Variants in DOCK3 observed in about 807,000 individuals in gnomAD.
DOCK3 encodes the protein dedicator of cytokinesis 3, also known as dedicator of cytokinesis protein 3.
Under a neutral mutation model 265.6 loss-of-function variants are expected in DOCK3, and 60 were observed. The ratio of observed to expected loss-of-function variants is 0.23; its 90% CI spans 0.18 to 0.28. The LOEUF (loss-of-function observed/expected upper bound fraction) is 0.28, where lower values mean the gene tolerates loss of function less well. Among genes scored for constraint, DOCK3 ranks in the 10% least tolerant of loss-of-function variants. The pLI is 1.00. For missense variants in DOCK3, 1,981 were observed against 2,594.3 expected, an observed-to-expected ratio of 0.76 and a Z score of 5.14; for synonymous variants, 881 against 938.0, an observed-to-expected ratio of 0.94 and a Z score of 1.11.
At chr3:50,902,787 A>G (rs1161894302) in intron 4 of DOCK3, among the ~76,000 whole-genome samples, 2 of 152,154 alleles carry the variant, frequency 1.3e-5, no homozygotes, top group Non-Finnish European at 2.9e-5. Flanking sequence ...TTTTCACAAT[A>G]TTGATTCTTC....
intron 10 of DOCK3, among the ~76,000 whole-genome samples, chr3:51,157,245 T>G (rs888282785): frequency 6.6e-6 from 1 of 152,176 alleles, no homozygotes; most frequent in Non-Finnish European, 1.5e-5. Context: ...AGCTTCAGTT[T>G]CACCACTACA....
At chr3:50,886,931 C>A (rs1036651448) in intron 3 of DOCK3, among the ~76,000 whole-genome samples, 1 of 151,800 alleles carries the variant, frequency 6.6e-6, no homozygotes, top group Non-Finnish European at 1.5e-5. Context: ...AAATTGACAC[C>A]CTAACATCAC....
intron 1 of DOCK3, among the ~76,000 whole-genome samples, chr3:50,732,039 A>T (rs575366782): frequency 1.1e-3 from 151 of 141,600 alleles, no homozygotes; most frequent in African/African-American, 3.5e-3. Context: ...TAATGTATTT[A>T]AAAAAAAAAA....
At position 50,675,255 on chromosome 3, in the gene DOCK3, G is replaced by T; in HGVS notation, c.-9G>T. 8.3e-7 allele frequency: 1 copy of T among 1,211,174 alleles called. No homozygotes were observed. The highest frequency in any genetic ancestry group is 1.0e-6 in the Non-Finnish European group (1 of 963,256). 75.0% of individuals were successfully genotyped at this position (1,211,174 alleles called of 1,614,324 possible). A position where few individuals can be genotyped will look rare whatever the true frequency, so the allele number is the denominator to read the frequency against. The stretch of plus-strand genomic sequence containing the variant: ...TCGCCGCGCCCGCGGGGCCGCGCCC[G>T]GCACGGCCATGTGGACCCCCACGGA... On this transcript the variant is annotated 5_prime_UTR_variant, in exon 1 of 53. Coordinates refer to ENST00000266037, the MANE Select transcript of DOCK3 (RefSeq NM_004947.5). This position sits in a 1 kb window ranked among gnomAD's most constrained non-coding sequence, Gnocchi z 6.1.
chr3:51,336,547 C>T (rs537695615), intron 35 of DOCK3, among the ~76,000 whole-genome samples: 1 of 152,286 alleles, frequency 6.6e-6, no homozygotes, highest in East Asian at 1.9e-4. Flanking sequence ...GCTTCAGAAG[C>T]CTCTTTCTGG....
At chr3:50,681,063 CTA>C (rs2034371116) in intron 1 of DOCK3, among the ~76,000 whole-genome samples, 3 of 152,042 alleles carry the variant, frequency 2.0e-5, no homozygotes, top group African/African-American at 7.2e-5. Flanking sequence ...AGCATTTTCC[CTA>C]TGTTTTCTTT....
intron 5 of DOCK3, among the ~76,000 whole-genome samples, chr3:51,004,182 G>A (rs1030525850): frequency 2.6e-5 from 4 of 152,030 alleles, no homozygotes; most frequent in South Asian, 2.1e-4. Flanking sequence ...TTGGATGCCC[G>A]TTTTTTCTTT....
chr3:51,229,678 TG>T, intron 19 of DOCK3, 69 bp downstream of exon 19: 1 of 1,242,224 alleles, frequency 8.1e-7, no homozygotes, highest in Non-Finnish European at 1.1e-6. Flanking sequence ...TACTTTGTCA[TG>T]ATTTTTGCCA....
chr3:50,696,148 T>A (rs901500005), intron 1 of DOCK3, among the ~76,000 whole-genome samples: 1 of 152,228 alleles, frequency 6.6e-6, no homozygotes, highest in Non-Finnish European at 1.5e-5. Flanking sequence ...CCTTTTATAA[T>A]TGGGGACCAT....
At chr3:51,005,233 C>T (rs1283935121) in intron 5 of DOCK3, among the ~76,000 whole-genome samples, 3 of 152,096 alleles carry the variant, frequency 2.0e-5, no homozygotes, top group Admixed American at 1.3e-4. Context: ...TAGAACACTG[C>T]GCTAAGGTGG....
chr3:51,051,143 A>G (rs2080979200), intron 5 of DOCK3, among the ~76,000 whole-genome samples: 1 of 152,232 alleles, frequency 6.6e-6, no homozygotes, highest in Non-Finnish European at 1.5e-5. Flanking sequence ...AAGAGGGTAC[A>G]GAATTTCTTT....
chr3:51,135,742 C>T (rs2084763542), intron 9 of DOCK3, among the ~76,000 whole-genome samples: 2 of 151,916 alleles, frequency 1.3e-5, no homozygotes, highest in Admixed American at 1.3e-4. Context: ...TTTTTGGAGA[C>T]AGGGTCTCAC....
intron 25 of DOCK3, among the ~76,000 whole-genome samples, chr3:51,276,004 A>T (rs575054280): frequency 6.6e-6 from 1 of 152,248 alleles, no homozygotes; most frequent in Non-Finnish European, 1.5e-5. Context: ...TTTTTAAATT[A>T]TACCATTTTA....
At chr3:51,320,757 G>T (rs552029509) in intron 32 of DOCK3, among the ~76,000 whole-genome samples, 1 of 152,152 alleles carries the variant, frequency 6.6e-6, no homozygotes, top group Admixed American at 6.5e-5. Flanking sequence ...AGGCTGCTGC[G>T]GCCAGAATGC....
At chr3:51,179,910 CA>C (rs1011290630) in intron 12 of DOCK3, among the ~76,000 whole-genome samples, 3 of 149,784 alleles carry the variant, frequency 2.0e-5, no homozygotes, top group African/African-American at 7.4e-5. Flanking sequence ...GACCTTGTCT[CA>C]AAAAAAACAA....
chr3:51,365,758 T>C (rs1032128065), intron 49 of DOCK3, among the ~76,000 whole-genome samples: 9 of 152,252 alleles, frequency 5.9e-5, no homozygotes, highest in African/African-American at 1.7e-4. Flanking sequence ...GTGGTTTTTG[T>C]CTTTGGTTCT....
intron 32 of DOCK3, among the ~76,000 whole-genome samples, chr3:51,325,460 C>G (rs138234069): frequency 1.3e-5 from 2 of 152,040 alleles, no homozygotes; most frequent in Non-Finnish European, 2.9e-5. Flanking sequence ...TTACACTGTT[C>G]GTGGGAGTGT....
At chr3:51,312,927 C>T (rs1160027949) in intron 31 of DOCK3, 25 bp downstream of exon 31, 2 of 1,583,278 alleles carry the variant, frequency 1.3e-6, no homozygotes, top group East Asian at 4.5e-5. Flanking sequence ...CCTATTCTTC[C>T]CTTCTATATA....
At chr3:51,164,204 T>G (rs1254538967) in intron 12 of DOCK3, among the ~76,000 whole-genome samples, 1 of 152,094 alleles carries the variant, frequency 6.6e-6, no homozygotes, top group Non-Finnish European at 1.5e-5. Flanking sequence ...AGCTTTGCTC[T>G]TTTTTAAAAA....
Sources: gnomAD v4.1 joint callset for allele counts (sites outside exome capture counted in the v4.1 genomes callset) on GRCh38, gnomAD v4.1.1 for gene constraint, Gnocchi (gnomAD v3.1) non-coding constraint, MANE v1.5 for transcripts, NCBI Gene and HGNC (gene_info 2026-07-23, HGNC 2026-07-21) for gene names.